The following PDE4D variants were observed in gnomAD, a reference collection of about 807,000 sequenced individuals.
PDE4D encodes the protein phosphodiesterase 4D, also known as 3',5'-cyclic-AMP phosphodiesterase 4D.
A neutral mutation model predicts 87.4 loss-of-function variants in PDE4D; 24 were observed. That is an observed-to-expected ratio of 0.27 (90% CI 0.20 to 0.39). The LOEUF (loss-of-function observed/expected upper bound fraction) is 0.39, where lower values mean the gene tolerates loss of function less well. Among genes scored for constraint, PDE4D ranks in the 10% least tolerant of loss-of-function variants. The probability of loss-of-function intolerance (pLI) is 1.00; values close to 1 mark genes in which losing one functional copy is unlikely to be tolerated. For missense variants in PDE4D, 714 were observed against 1,041.0 expected, an observed-to-expected ratio of 0.69 and a Z score of 4.32; for synonymous variants, 384 against 383.2, an observed-to-expected ratio of 1.00 and a Z score of -0.02.
chr5:60,345,191 C>A (rs566076319), intron 1 of PDE4D, among the ~76,000 whole-genome samples: 1 of 151,586 alleles, frequency 6.6e-6, no homozygotes, highest in East Asian at 1.9e-4. Context: ...CAAACTATCG[C>A]AAGAACAAAA....
chr5:59,072,328 G>A (rs534358403), intron 5 of PDE4D, among the ~76,000 whole-genome samples: 62 of 152,096 alleles, frequency 4.1e-4, no homozygotes, highest in Admixed American at 7.2e-4. Context: ...TTCAACCTTC[G>A]GAATTCATTC....
At position 60,419,062 on chromosome 5, in the gene PDE4D, G is replaced by A. The variant is rs377720367; in HGVS notation, c.-90+68880C>T. On this transcript the variant is annotated intron_variant, in intron 1 of 16. Transcript: ENST00000502484. ...TAACGAGGCTACAGCCACTAACACA[G>A]CTGCTGGAGGGAAATTTGGCAACAT... 1.8e-4 allele frequency among the ~76,000 whole-genome samples: 28 copies of A among 152,252 alleles called. 1 individual carries two copies. The South Asian group carries it at 3.9e-3, about 21-fold the overall frequency.
chr5:60,454,659 G>A lies in PDE4D; in HGVS notation c.-90+33283C>T, dbSNP rs189511807. On this transcript the variant is annotated intron_variant, in intron 1 of 16. Coordinates refer to the PDE4D transcript ENST00000502484. The stretch of plus-strand genomic sequence containing the variant: ...ACCAGGGCATGTTGGGAGGCAGTGA[G>A]GGGAAGGAGAGCATCAGGATAAATA... Among the ~76,000 whole-genome samples the A allele has an allele frequency of 4.7e-3, 710 of 152,220 alleles. 8 individuals carry two copies. The highest frequency in any genetic ancestry group is 0.016 in the African/African-American group (656 of 41,534).
At chr5:60,311,347 C>T (rs1267588641) in intron 1 of PDE4D, among the ~76,000 whole-genome samples, 2 of 152,216 alleles carry the variant, frequency 1.3e-5, no homozygotes, top group African/African-American at 4.8e-5. Flanking sequence ...AAGGAAATTC[C>T]ATCAGGCTAA....
chr5:59,363,959 C>T (rs1782643667), intron 1 of PDE4D, among the ~76,000 whole-genome samples: 1 of 152,154 alleles, frequency 6.6e-6, no homozygotes, highest in African/African-American at 2.4e-5. Flanking sequence ...CCTGCACTTT[C>T]CCTCTGAATA....
intron 1 of PDE4D, among the ~76,000 whole-genome samples, chr5:59,776,287 A>C (rs1764070344): frequency 1.3e-5 from 2 of 152,196 alleles, no homozygotes. Flanking sequence ...GTATGAAGTC[A>C]TATAACTTAA....
intron 1 of PDE4D, among the ~76,000 whole-genome samples, chr5:60,375,140 T>C (rs571578100): frequency 2.6e-4 from 39 of 152,202 alleles, no homozygotes; most frequent in Non-Finnish European, 5.4e-4. Flanking sequence ...CTAAACTTTC[T>C]CAAATATTCC....
intron 6 of PDE4D, chr5:58,999,563 A>ATG (rs1554041379): frequency 1.3e-4 from 159 of 1,197,594 alleles, no homozygotes; most frequent in East Asian, 1.1e-3. Flanking sequence ...GTATATATAT[A>ATG]TATATGTATA....
chr5:60,023,215 G>A (rs541527240), intron 2 of PDE4D, among the ~76,000 whole-genome samples: 6 of 152,182 alleles, frequency 3.9e-5, no homozygotes, highest in Middle Eastern at 3.4e-3. Flanking sequence ...AACTCTCCAC[G>A]GTGCATAATA....
At chr5:59,651,113 T>G (rs923042882) in intron 1 of PDE4D, among the ~76,000 whole-genome samples, 6 of 151,278 alleles carry the variant, frequency 4.0e-5, no homozygotes, top group South Asian at 2.1e-4. Context: ...AAAATTAGCC[T>G]GGCGTGGTGG....
chr5:59,024,272 C>T (rs1245380173), intron 6 of PDE4D, among the ~76,000 whole-genome samples: 1 of 128,344 alleles, frequency 7.8e-6, no homozygotes, highest in Non-Finnish European at 1.6e-5. Context: ...ACGATCTTGG[C>T]TCACTGCAAC....
At chr5:59,649,929 T>TTTTTTTTTTTTTTTTTTTTTTTA (rs1743160847) in intron 1 of PDE4D, among the ~76,000 whole-genome samples, 1 of 140,068 alleles carries the variant, frequency 7.1e-6, no homozygotes, top group Non-Finnish European at 1.5e-5. Flanking sequence ...TTTTTTTTTT[T>TTTTTTTTTTTTTTTTTTTTTTTA]TTTAGCAATG....
At chr5:59,728,225 G>A (rs561562096) in intron 1 of PDE4D, among the ~76,000 whole-genome samples, 2 of 152,110 alleles carry the variant, frequency 1.3e-5, no homozygotes, top group African/African-American at 4.8e-5. Context: ...GATCTATCCC[G>A]ACTCTAAAGT....
intron 1 of PDE4D, among the ~76,000 whole-genome samples, chr5:59,741,255 T>C (rs1758791059): frequency 6.6e-6 from 1 of 152,172 alleles, no homozygotes; most frequent in African/African-American, 2.4e-5. Flanking sequence ...AGTTTTATCA[T>C]CTAGTCAAAA....
chr5:59,574,024 A>G (rs1822377760), intron 1 of PDE4D, among the ~76,000 whole-genome samples: 1 of 123,222 alleles, frequency 8.1e-6, no homozygotes, highest in Non-Finnish European at 1.6e-5. Flanking sequence ...ATATATATAT[A>G]TATAAAAATA....
intron 1 of PDE4D, among the ~76,000 whole-genome samples, chr5:59,574,095 A>ATTT: frequency 6.7e-4 from 1 of 1,492 alleles, no homozygotes; most frequent in African/African-American, 1.7e-3. Flanking sequence ...TATATATATA[A>ATTT]ATATATATTT....
chr5:59,917,374 T>G (rs2152775621), intron 3 of PDE4D, among the ~76,000 whole-genome samples: 1 of 152,152 alleles, frequency 6.6e-6, no homozygotes, highest in South Asian at 2.1e-4. Flanking sequence ...AGTCTATGGA[T>G]CAACACAAAG....
chr5:60,356,110 G>C (rs773551334), intron 1 of PDE4D, among the ~76,000 whole-genome samples: 49 of 152,174 alleles, frequency 3.2e-4, no homozygotes, highest in Non-Finnish European at 5.9e-4. Context: ...AACTGCAGGG[G>C]GTCCATAATT....
chr5:59,316,125 G>A (rs1218785344), intron 1 of PDE4D, among the ~76,000 whole-genome samples: 1 of 152,010 alleles, frequency 6.6e-6, no homozygotes, highest in Non-Finnish European at 1.5e-5. Flanking sequence ...CTCACCTCCC[G>A]TAACATTTAG....
Sources: gnomAD v4.1 joint callset for allele counts (sites outside exome capture counted in the v4.1 genomes callset) on GRCh38, gnomAD v4.1.1 for gene constraint, MANE v1.5 for transcripts, NCBI Gene and HGNC (gene_info 2026-07-23, HGNC 2026-07-21) for gene names.